ITGB5: variants seen among roughly 807,000 people sequenced by gnomAD.
ITGB5 encodes the protein integrin subunit beta 5.
In ITGB5, 38 loss-of-function variants were observed where a neutral mutation model predicts 84.8. That is an observed-to-expected ratio of 0.45 (90% confidence interval 0.35 to 0.59). The LOEUF is 0.59. Ranked by LOEUF, ITGB5 falls within the 20% of genes least tolerant of loss-of-function variation. The probability of loss-of-function intolerance (pLI) is 0.01; values close to 1 mark genes in which losing one functional copy is unlikely to be tolerated. For synonymous variants in ITGB5, 393 were observed against 414.4 expected, an observed-to-expected ratio of 0.95 and a Z score of 0.63; for missense variants, 905 against 1,034.5, an observed-to-expected ratio of 0.87 and a Z score of 1.72.
chr3:124,866,709 G>A (rs2107630232), intron 2 of ITGB5, among the ~76,000 whole-genome samples: 1 of 152,288 alleles, frequency 6.6e-6, no homozygotes, highest in South Asian at 2.1e-4. Flanking sequence ...GGATATGGCA[G>A]GGCCTGGCCC....
intron 10 of ITGB5, chr3:124,792,981 C>T (rs953051422): frequency 6.6e-6 from 1 of 152,232 alleles, no homozygotes; most frequent in South Asian, 2.1e-4. Flanking sequence ...TGCCCTGTCT[C>T]CCAGGCTCTG....
intron 13 of ITGB5, 96 bp downstream of exon 13, chr3:124,766,130 G>T: frequency 7.6e-7 from 1 of 1,308,116 alleles, no homozygotes; most frequent in Non-Finnish European, 1.1e-6. Context: ...AGGCCGATGA[G>T]GACAGAAAGG....
intron 2 of ITGB5, among the ~76,000 whole-genome samples, chr3:124,871,101 G>C (rs1179441862): frequency 6.6e-6 from 1 of 152,090 alleles, no homozygotes; most frequent in Admixed American, 6.5e-5. Flanking sequence ...ATGTTGCCCA[G>C]ACCGGTCTTG....
intron 14 of ITGB5, 61 bp downstream of exon 14, chr3:124,764,323 ATACCGCT>A: frequency 6.6e-7 from 1 of 1,510,996 alleles, no homozygotes; most frequent in South Asian, 1.2e-5. Flanking sequence ...TATTGCTAAC[ATACCGCT>A]GAACTCAACC....
chr3:124,778,595 G>A (rs2063957891), intron 10 of ITGB5, among the ~76,000 whole-genome samples: 1 of 152,240 alleles, frequency 6.6e-6, no homozygotes, highest in African/African-American at 2.4e-5. Flanking sequence ...GTGTAAGGAG[G>A]TGGTGACAGT....
rs531271218 is a variant in ITGB5, at chr3:124,829,517, G to A, written c.781-8043C>T. On this transcript the variant is annotated intron_variant, in intron 5 of 14. Coordinates refer to ENST00000296181, the MANE Select transcript of ITGB5 (RefSeq NM_002213.5). The stretch of plus-strand genomic sequence containing the variant: ...GCGAGGGAACGACCTCACTTGTTTC[G>A]TCACCCACAGAGATAGGTAAAAGGA... Among the ~76,000 whole-genome samples the A allele has an allele frequency of 1.1e-4, 17 of 152,170 alleles. No homozygotes were observed. The South Asian group carries it at 1.2e-3, about 11-fold the overall frequency.
chr3:124,770,226 T>C (rs1217550221), intron 11 of ITGB5: 1 of 152,356 alleles, frequency 6.6e-6, no homozygotes, highest in East Asian at 1.9e-4. Flanking sequence ...TGGGGCATGT[T>C]GCTCTCAGGG....
intron 9 of ITGB5, among the ~76,000 whole-genome samples, chr3:124,808,081 G>T (rs2064438046): frequency 6.6e-6 from 1 of 150,684 alleles, no homozygotes; most frequent in African/African-American, 2.4e-5. Context: ...GGAGACCACT[G>T]CTACCAGCCA....
chr3:124,831,517 C>T (rs3772840), intron 5 of ITGB5, among the ~76,000 whole-genome samples: 68,154 of 151,992 alleles, frequency 0.45, 15,546 homozygotes, highest in East Asian at 0.7. Flanking sequence ...GCCCAGACCA[C>T]CAATTCTTGG....
intron 1 of ITGB5, among the ~76,000 whole-genome samples, chr3:124,879,801 G>A (rs554180813): frequency 2.6e-5 from 4 of 152,214 alleles, no homozygotes; most frequent in Admixed American, 6.5e-5. Context: ...AGGGATATTC[G>A]TAACATATCC....
intron 1 of ITGB5, chr3:124,894,541 G>C (rs966868690): frequency 6.6e-6 from 1 of 152,102 alleles, no homozygotes; most frequent in Non-Finnish European, 1.5e-5. Context: ...CTTAGACATG[G>C]AGGAAACTCT....
chr3:124,815,280 C>T (rs375409893), intron 8 of ITGB5, among the ~76,000 whole-genome samples: 10 of 152,334 alleles, frequency 6.6e-5, no homozygotes, highest in South Asian at 4.1e-4. Flanking sequence ...TGGAGCTGTG[C>T]GCCATGATGC....
intron 2 of ITGB5, among the ~76,000 whole-genome samples, chr3:124,870,432 T>C (rs924145382): frequency 3.9e-5 from 6 of 152,102 alleles, no homozygotes; most frequent in South Asian, 2.1e-4. Flanking sequence ...AGAAAACAGA[T>C]AGAACCCCTG....
intron 2 of ITGB5, among the ~76,000 whole-genome samples, chr3:124,864,736 C>T (rs2065360934): frequency 6.6e-6 from 1 of 151,522 alleles, no homozygotes; most frequent in Non-Finnish European, 1.5e-5. Context: ...CTGTATCTAA[C>T]ATGAAAGTTG....
rs2065105364 is a variant in ITGB5 at position 124,848,373 on chromosome 3, CAA to C, written c.545_546del (p.Phe182CysfsTer2). The C allele has an allele frequency of 6.2e-7, 1 of 1,614,014 alleles. No homozygotes were observed. Among genetic ancestry groups the C allele is most frequent in the Non-Finnish European group, 8.5e-7 (1 of 1,180,030 alleles). On this transcript the variant is annotated frameshift_variant, in exon 4 of 15. Transcript: ENST00000296181. LOFTEE classifies it high-confidence loss of function. The stretch of plus-strand genomic sequence containing the variant: ...GAGAAAGGAGAGATGTCCTTATCAA[CAA>C]AAGACCCAAATCCCAACCGGAAGTT... ...TSNFRLGFGSFVDKDISPFSY... is the reference protein window; with the variant it reads ...TSNFRLGFGSXVDKDISPFSY...
chr3:124,769,092 C>G lies in ITGB5; in HGVS notation c.1938G>C (p.Leu646=), dbSNP rs1056050071. ...STKRDCVECL[L]LHSGKPDNQT... ...GGTTGTCAGGTTTCCCAGAGTGGAG[C>G]AGCAGGCACTCGACGCAATCTCTTT... The change falls in exon 12 of 15, where the codon CTG becomes CTC. Residue 646 remains leucine, a synonymous_variant. Coordinates refer to ENST00000296181, the MANE Select transcript of ITGB5 (RefSeq NM_002213.5). The G allele has an allele frequency of 8.1e-6, 13 of 1,614,036 alleles. No homozygotes were observed. Among genetic ancestry groups the G allele is most frequent in the Non-Finnish European group, 1.1e-5 (13 of 1,180,024 alleles).
chr3:124,878,839 G>A (rs1426828666), intron 1 of ITGB5: 2 of 152,122 alleles, frequency 1.3e-5, no homozygotes, highest in African/African-American at 2.4e-5. Flanking sequence ...CTAAACACAC[G>A]GAGTTCACAA....
Position 124,873,508 on chromosome 3 carries a change from T to A in ITGB5, c.94A>T (p.Ser32Cys). 1 of 1,613,712 alleles carries A rather than the reference T, an allele frequency of 6.2e-7. No individual in the cohort carries two copies. The highest frequency in any genetic ancestry group is 8.5e-7 in the Non-Finnish European group (1 of 1,179,660). ...LAGLNICTSG[S>C]ATSCEECLLI... is the part of the protein sequence containing the mutation. Reference sequence around the variant, plus strand: ...AGACATTCTTCACATGAGGTGGCACTTCCACTAGTGCATATGTTGAGACCT... The same window carrying A: ...AGACATTCTTCACATGAGGTGGCACATCCACTAGTGCATATGTTGAGACCT... Residue 32 changes from serine (S) to cysteine (C), a missense_variant, in exon 2 of 15, where the codon AGT becomes TGT. Ser to Cys is a moderately radical substitution (Grantham distance 112). Transcript: ENST00000296181.
intron 1 of ITGB5, among the ~76,000 whole-genome samples, chr3:124,881,909 G>T (rs1241660287): frequency 6.6e-6 from 1 of 152,006 alleles, no homozygotes; most frequent in Non-Finnish European, 1.5e-5. Context: ...CAGAGGTTGC[G>T]GTGACCAGAG....
Sources: gnomAD v4.1 joint callset for allele counts (sites outside exome capture counted in the v4.1 genomes callset) on GRCh38, gnomAD v4.1.1 for gene constraint, MANE v1.5 for transcripts, NCBI Gene and HGNC (gene_info 2026-07-23, HGNC 2026-07-21) for gene names.